Variants in ALDH16A1 observed in about 807,000 individuals in gnomAD.
The protein encoded by ALDH16A1 is aldehyde dehydrogenase 16 family member A1.
Under a neutral mutation model 96.1 loss-of-function variants are expected in ALDH16A1, and 88 were observed. That is an observed-to-expected ratio of 0.92 (90% CI 0.77 to 1.09). The LOEUF (loss-of-function observed/expected upper bound fraction) is 1.09. Among genes scored for constraint, ALDH16A1 ranks in the 50% least tolerant of loss-of-function variants. The pLI is 0.00. For synonymous variants in ALDH16A1, 522 were observed against 496.4 expected, an observed-to-expected ratio of 1.05 and a Z score of -0.69; for missense variants, 1,250 against 1,112.6, an observed-to-expected ratio of 1.12 and a Z score of -1.76.
chr19:49,470,648 C>CT lies in ALDH16A1; in HGVS notation c.*199dup, dbSNP rs55713893. 21,837 of 340,562 alleles carry CT rather than the reference C, an allele frequency of 0.064. 24 individuals are homozygous for CT. Among genetic ancestry groups the CT allele is most frequent in the Middle Eastern group, 0.084 (98 of 1,172 alleles). 21.1% of individuals were successfully genotyped at this position (340,562 alleles called of 1,614,324 possible). A position where few individuals can be genotyped will look rare whatever the true frequency, so the allele number is the denominator to read the frequency against. On this transcript the variant is annotated 3_prime_UTR_variant, in exon 17 of 17. Transcript: ENST00000293350. ...CTTCTGGCAGATATGAGGCTTTTTT[C>CT]TTTTTTTTTTTTTTTTTTGAGACAA...
At chr19:49,461,854 T>C (rs2079151003) in intron 6 of ALDH16A1, 30 bp from the exon 7 acceptor site, 1 of 1,596,406 alleles carries the variant, frequency 6.3e-7, no homozygotes, top group Non-Finnish European at 8.5e-7. Context: ...GCAAGGCTCC[T>C]CCTGCGGCTG....
chr19:49,464,890 C>T (rs566126200), intron 12 of ALDH16A1, 128 bp downstream of exon 12: 20 of 1,428,286 alleles, frequency 1.4e-5, no homozygotes, highest in East Asian at 1.1e-4. Flanking sequence ...CTGAGTACCA[C>T]GTTGTGGCCT....
intron 4 of ALDH16A1, 111 bp from the exon 5 acceptor site, chr19:49,460,711 G>A: frequency 7.1e-6 from 6 of 843,662 alleles, no homozygotes; most frequent in South Asian, 6.2e-5. Context: ...ACCACACCCG[G>A]CCATTTTTTT....
intron 12 of ALDH16A1, among the ~76,000 whole-genome samples, 158 bp downstream of exon 12, chr19:49,464,920 G>T (rs537221562): frequency 6.6e-5 from 10 of 152,342 alleles, no homozygotes; most frequent in African/African-American, 2.4e-4. Context: ...CCTACCCCAG[G>T]CCTGCCGAGA....
At chr19:49,465,619 G>C in intron 12 of ALDH16A1, 119 bp from the exon 13 acceptor site, 1 of 1,254,326 alleles carries the variant, frequency 8.0e-7, no homozygotes, top group Non-Finnish European at 1.1e-6. Flanking sequence ...CATGGGAACA[G>C]GGGTTTGGGG....
intron 1 of ALDH16A1, among the ~76,000 whole-genome samples, chr19:49,455,219 C>T (rs1418240647): frequency 6.6e-6 from 1 of 151,562 alleles, no homozygotes; most frequent in Non-Finnish European, 1.5e-5. Context: ...AGATCGAGAC[C>T]AGCCTGGCCA....
rs752827367 is a variant in ALDH16A1 at position 49,468,573 on chromosome 19, C to A, written c.2124+7C>A. On this transcript the variant is annotated splice_region_variant and intron_variant, in intron 15 of 16. Coordinates refer to ENST00000293350, the MANE Select transcript of ALDH16A1 (RefSeq NM_153329.4). The surrounding 1 kb of genome is among the most constrained non-coding windows in gnomAD (Gnocchi z 4.4). ...GGCCCTGGAGGTCTGCCAGGTATAGCCCCCTGCCTTCCTGCCTCTCCTCCC... is the reference window on the plus strand; with the variant it reads ...GGCCCTGGAGGTCTGCCAGGTATAGACCCCTGCCTTCCTGCCTCTCCTCCC... 1.9e-6 allele frequency: 3 copies of A among 1,601,876 alleles called. No individual in the cohort carries two copies. The highest frequency in any genetic ancestry group is 3.3e-5 in the Admixed American group (2 of 59,932).
chr19:49,461,215 T>TG (rs1282318752), intron 5 of ALDH16A1, among the ~76,000 whole-genome samples: 1 of 100,278 alleles, frequency 1.0e-5, no homozygotes, highest in Non-Finnish European at 1.9e-5. Flanking sequence ...GAGGAGGGGC[T>TG]GGGGTCTGGA....
Position 49,468,016 on chromosome 19 carries a change from C to T in ALDH16A1, c.1939-365C>T, listed in dbSNP as rs938365654. Among the ~76,000 whole-genome samples the T allele has an allele frequency of 4.0e-5, 6 of 151,494 alleles. No homozygotes were observed. Among genetic ancestry groups the T allele is most frequent in the African/African-American group, 7.3e-5 (3 of 41,240 alleles). ...AAATATACAAAAAAAAAAAATTAGC[C>T]GGGCATGGTGGCAGGTGCCTGTAGT... is the stretch of plus-strand genomic sequence containing the variant. On this transcript the variant is annotated intron_variant, in intron 14 of 16. Coordinates refer to ENST00000293350, the MANE Select transcript of ALDH16A1 (RefSeq NM_153329.4). This position sits in a 1 kb window ranked among gnomAD's most constrained non-coding sequence, Gnocchi z 4.4.
chr19:49,462,642 C>T lies in ALDH16A1; in HGVS notation c.985C>T (p.Arg329Trp), dbSNP rs201779656. 90 of 1,612,498 alleles carry T rather than the reference C, an allele frequency of 5.6e-5. No homozygotes were observed. The Admixed American group carries it at 8.7e-4, about 16-fold the overall frequency. The stretch of plus-strand genomic sequence containing the variant: ...GAGACGGCTGCAGGAGCGGATGGGG[C>T]GGCTTCGGAGTGGCCGAGGGCTGGA... ...AMRRLQERMG[R>W]LRSGRGLDGA... The change falls in exon 8 of 17, where the codon CGG becomes TGG. Residue 329 changes from arginine (R) to tryptophan (W), a missense_variant. Coordinates refer to ENST00000293350, the MANE Select transcript of ALDH16A1 (RefSeq NM_153329.4).
Position 49,462,693 on chromosome 19 carries a change from G to T in ALDH16A1, c.1036G>T (p.Gly346Trp). Residue 346 changes from glycine (G) to tryptophan (W), a missense_variant, in exon 8 of 17, where the codon GGG becomes TGG. By Grantham distance (184) the Gly-to-Trp change is radical. Coordinates refer to ENST00000293350, the MANE Select transcript of ALDH16A1 (RefSeq NM_153329.4). Reference sequence around the variant, plus strand: ...TGGGGCCGTGGACATGGGGGCCCGGGGGGCTGCCGCATGTGACCTGGTCCA... The same window carrying T: ...TGGGGCCGTGGACATGGGGGCCCGGTGGGCTGCCGCATGTGACCTGGTCCA... ...LDGAVDMGAR[G>W]AAACDLVQRF... 6.2e-7 allele frequency: 1 copy of T among 1,608,600 alleles called. No homozygotes were observed. The highest frequency in any genetic ancestry group is 1.3e-5 in the African/African-American group (1 of 74,732).
chr19:49,470,780 CTGG>C lies in ALDH16A1; in HGVS notation c.*314_*316del. The C allele has an allele frequency of 4.2e-6, 1 of 238,744 alleles. No homozygotes were observed. Among genetic ancestry groups the C allele is most frequent in the South Asian group, 1.1e-4 (1 of 8,908 alleles). 14.8% of individuals were successfully genotyped at this position (238,744 alleles called of 1,614,324 possible). On this transcript the variant is annotated 3_prime_UTR_variant, in exon 17 of 17. Transcript: ENST00000293350. ...CCTCATGCCTCAGCCTCATATGTAG[CTGG>C]GGCCACAGACATGCACCACCACACC...
chr19:49,466,382 C>A, intron 14 of ALDH16A1, 99 bp downstream of exon 14: 1 of 1,231,702 alleles, frequency 8.1e-7, no homozygotes, highest in Non-Finnish European at 1.1e-6. Flanking sequence ...GGCCCAGCCC[C>A]ACCGCCTTCC....
Position 49,470,364 on chromosome 19 carries a change from G to A in ALDH16A1, c.2306G>A (p.Arg769Lys), listed in dbSNP as rs189368223. ...AACCTCAAACCGGTGTGGGCGAGCA[G>A]GGGCTGCCCGCGGGCCTGGGACCAG... ...AGNLKPVWASRGCPRAWDQEA... is the reference protein window; with the variant it reads ...AGNLKPVWASKGCPRAWDQEA... The change falls in exon 17 of 17, where the codon AGG becomes AAG. Residue 769 changes from arginine to lysine, a missense_variant. Arg to Lys is a conservative substitution (Grantham distance 26, BLOSUM62 2). Transcript: ENST00000293350. The A allele has an allele frequency of 7.4e-6, 12 of 1,613,230 alleles. No individual in the cohort carries two copies. Among genetic ancestry groups the A allele is most frequent in the Admixed American group, 5.0e-5 (3 of 59,994 alleles).
At chr19:49,454,167 C>A (rs535577092) in intron 1 of ALDH16A1, among the ~76,000 whole-genome samples, 2 of 151,894 alleles carry the variant, frequency 1.3e-5, no homozygotes, top group African/African-American at 4.8e-5. Flanking sequence ...GGACCAGAGA[C>A]GCGCGCCACC....
rs2079149390 is a variant in ALDH16A1, at chr19:49,461,750, C to G, written c.709C>G (p.Leu237Val). 6.2e-7 allele frequency: 1 copy of G among 1,610,652 alleles called. No individual in the cohort carries two copies. Among genetic ancestry groups the G allele is most frequent in the East Asian group, 2.2e-5 (1 of 44,748 alleles). ...TGGCCCTGCGTCCCTGGTGCCCATC[C>G]TGGCCTCCCAGCCTGGAATCCGGAA... ...LSGPASLVPI[L>V]ASQPGIRKVA... The change falls in exon 6 of 17, where the codon CTG becomes GTG. Residue 237 changes from leucine (L) to valine (V), a missense_variant. Physicochemically the swap from Leu to Val is conservative, Grantham distance 32 (BLOSUM62 1). Transcript: ENST00000293350.
intron 9 of ALDH16A1, 64 bp downstream of exon 9, chr19:49,464,013 G>A (rs895877773): frequency 1.9e-6 from 3 of 1,579,186 alleles, no homozygotes; most frequent in African/African-American, 2.7e-5. Flanking sequence ...CTCTGTGCCT[G>A]GGGAAGCCCT....
rs1351578078 is a variant in ALDH16A1 at position 49,461,918 on chromosome 19, A to G, written c.794A>G (p.Glu265Gly). The change falls in exon 7 of 17, where the codon GAG (glutamate) becomes GGG (glycine). Residue 265 changes from glutamate to glycine, a missense_variant. Transcript: ENST00000293350. ...GCCCTTCGACGGAGCCTGGCGGGAG[A>G]GTGTGCGGAGCTGGGCCTGGCGCTG... ...GRALRRSLAG[E>G]CAELGLALGT... The G allele has an allele frequency of 6.4e-7, 1 of 1,572,896 alleles. No individual in the cohort carries two copies.
Position 49,460,911 on chromosome 19 carries a change from C to T in ALDH16A1, c.577+12C>T, listed in dbSNP as rs199712460. On this transcript the variant is annotated intron_variant, in intron 5 of 16. Transcript: ENST00000293350. ...TGCCCTGGCTGTGGGTAAATGATGG[C>T]CTGGGGGGTCCTGACTCTTGGGTCT... is the stretch of plus-strand genomic sequence containing the variant. The T allele has an allele frequency of 6.2e-7, 1 of 1,610,522 alleles. No individual in the cohort carries two copies. The highest frequency in any genetic ancestry group is 8.5e-7 in the Non-Finnish European group (1 of 1,177,748).
Sources: gnomAD v4.1 joint callset for allele counts (sites outside exome capture counted in the v4.1 genomes callset) on GRCh38, gnomAD v4.1.1 for gene constraint, Gnocchi (gnomAD v3.1) non-coding constraint, MANE v1.5 for transcripts, NCBI Gene and HGNC (gene_info 2026-07-23, HGNC 2026-07-21) for gene names.